Variants in P2RX7 observed in about 807,000 individuals in gnomAD.
The protein encoded by P2RX7 is purinergic receptor P2X 7, also known as P2X purinoceptor 7.
P2RX7 carries 62 observed loss-of-function variants against 71.6 expected under a neutral mutation model. That is an observed-to-expected ratio of 0.87 (90% confidence interval 0.71 to 1.07). The LOEUF is 1.07. P2RX7 is among the 50% of genes least tolerant of loss of function. The pLI, the probability that P2RX7 is intolerant of heterozygous loss-of-function variation, is 0.00. For missense variants in P2RX7, 686 were observed against 748.5 expected (o/e 0.92, Z 0.97); for synonymous variants, 299 against 283.3 (o/e 1.06, Z -0.56).
At chr12:121,136,393 G>A (rs995231387) in intron 1 of P2RX7, among the ~76,000 whole-genome samples, 9 of 151,464 alleles carry the variant, frequency 5.9e-5, no homozygotes, top group Admixed American at 2.0e-4. Context: ...ATCACAGCTC[G>A]CCACAGCCTC....
chr12:121,166,244 T>G (rs1454719841), intron 7 of P2RX7, 57 bp downstream of exon 7: 1 of 1,576,086 alleles, frequency 6.3e-7, no homozygotes, highest in Non-Finnish European at 8.6e-7. Flanking sequence ...ATGGAGGATG[T>G]CAAACAGCCA....
Position 121,165,457 on chromosome 12 carries a change from G to A in P2RX7, c.614+20G>A. On this transcript the variant is annotated intron_variant, in intron 6 of 12. Coordinates refer to ENST00000328963, the MANE Select transcript of P2RX7 (RefSeq NM_002562.6). ...CACCACGTAAGTGCCCAGGCTGCCT[G>A]GCTGTCTTAGTTATCTACTGCTGAG... 1 of 1,596,462 alleles carries A rather than the reference G, an allele frequency of 6.3e-7. No individual in the cohort carries two copies. Among genetic ancestry groups the A allele is most frequent in the South Asian group, 1.1e-5 (1 of 90,736 alleles).
In P2RX7 at chr12:121,166,143, A is replaced by G. The variant is rs1231377486; in HGVS notation, c.700A>G (p.Ile234Val). The change falls in exon 7 of 13, where the codon ATC (isoleucine) becomes GTC (valine). Residue 234 changes from isoleucine to valine, a missense_variant. Coordinates refer to ENST00000328963, the MANE Select transcript of P2RX7 (RefSeq NM_002562.6). The part of the protein sequence containing the change: ...PQCPIFRLGD[I>V]FRETGDNFSD... ...GTGTCCCATTTTCCGACTAGGAGAC[A>G]TCTTCCGAGAAACAGGCGATAATTT... The G allele has an allele frequency of 6.2e-7, 1 of 1,614,050 alleles. No individual in the cohort carries two copies. Among genetic ancestry groups the G allele is most frequent in the South Asian group, 1.1e-5 (1 of 91,086 alleles).
At chr12:121,148,350 A>G (rs1411274315) in intron 1 of P2RX7, among the ~76,000 whole-genome samples, 1 of 151,770 alleles carries the variant, frequency 6.6e-6, no homozygotes, top group Non-Finnish European at 1.5e-5. Flanking sequence ...AAGTAGCTGG[A>G]ATTATAGGCA....
At position 121,186,053 on chromosome 12, in the gene P2RX7, C is replaced by CA. The variant is rs3078950; in HGVS notation, c.*1265dup. On this transcript the variant is annotated 3_prime_UTR_variant, in exon 13 of 13. Coordinates refer to ENST00000328963, the MANE Select transcript of P2RX7 (RefSeq NM_002562.6). Reference sequence around the variant, plus strand: ...TGGGTGACAGAGCGAGACTCCATCTCAAAAAAAAAAAAAAGAAAAAAAAAA... The same window carrying CA: ...TGGGTGACAGAGCGAGACTCCATCTCAAAAAAAAAAAAAAAGAAAAAAAAAA... 7,184 of 86,384 alleles carry CA rather than the reference C, an allele frequency of 0.083. 222 individuals are homozygous for CA. Among genetic ancestry groups the CA allele is most frequent in the Non-Finnish European group, 0.098 (4,161 of 42,328 alleles). The allele number at this position is 86,384 out of a possible 1,614,324, so 5.4% of individuals were successfully genotyped here. A position where few individuals can be genotyped will look rare whatever the true frequency, so the allele number is the denominator to read the frequency against.
At chr12:121,168,616 A>C (rs1158074152) in intron 8 of P2RX7, among the ~76,000 whole-genome samples, 4 of 151,950 alleles carry the variant, frequency 2.6e-5, no homozygotes, top group Admixed American at 2.6e-4. Context: ...CCATCCCTAA[A>C]TCTCCCAACA....
In P2RX7 at chr12:121,132,898, G is replaced by C. The variant is rs1872717939; in HGVS notation, c.-73G>C. The stretch of plus-strand genomic sequence containing the variant: ...ACGTTTCATTTTGCAGTTACTGGGA[G>C]GGGGCTTGCTGTGGCCCTGTCAGGA... On this transcript the variant is annotated 5_prime_UTR_variant, in exon 1 of 13. Coordinates refer to ENST00000328963, the MANE Select transcript of P2RX7 (RefSeq NM_002562.6). 1 of 1,579,392 alleles carries C rather than the reference G, an allele frequency of 6.3e-7. No individual in the cohort carries two copies. Among genetic ancestry groups the C allele is most frequent in the Non-Finnish European group, 8.6e-7 (1 of 1,158,006 alleles).
Position 121,180,417 on chromosome 12 carries a change from G to A in P2RX7, c.1252G>A (p.Gly418Arg). The A allele has an allele frequency of 6.2e-7, 1 of 1,605,636 alleles. No individual in the cohort carries two copies. Among genetic ancestry groups the A allele is most frequent in the African/African-American group, 1.3e-5 (1 of 74,530 alleles). ...HIRMVNQQLL[G>R]RSLQDVKGQE... The stretch of plus-strand genomic sequence containing the variant: ...TAGGATGGTGAACCAGCAGCTACTA[G>A]GGAGAAGTCTGCAAGATGTCAAGGG... The change falls in exon 12 of 13, where the codon GGG becomes AGG. Residue 418 changes from glycine (G) to arginine (R), a missense_variant. By Grantham distance (125) the Gly-to-Arg change is moderately radical (BLOSUM62 -2). Transcript: ENST00000328963.
At chr12:121,139,505 C>T (rs1874378108) in intron 1 of P2RX7, among the ~76,000 whole-genome samples, 2 of 152,168 alleles carry the variant, frequency 1.3e-5, no homozygotes. Context: ...CATTCCTGGG[C>T]CCAGGCTGGC....
At chr12:121,176,751 C>CA (rs34853051) in intron 9 of P2RX7, among the ~76,000 whole-genome samples, 12,612 of 67,638 alleles carry the variant, frequency 0.19, 1,054 homozygotes, top group African/African-American at 0.3. Flanking sequence ...GACTCTGTCT[C>CA]AAAAAAAAAA....
intron 3 of P2RX7, among the ~76,000 whole-genome samples, chr12:121,159,746 A>T (rs577828807): frequency 6.6e-6 from 1 of 152,314 alleles, no homozygotes; most frequent in East Asian, 1.9e-4. Flanking sequence ...TTCAGCCCTG[A>T]GACCCAGCTG....
rs200110383 is a variant in P2RX7, at chr12:121,154,984, G to A, written c.294+31G>A. 1.5e-5 allele frequency: 24 copies of A among 1,611,586 alleles called. No individual in the cohort carries two copies. The Middle Eastern group carries it at 8.3e-4, about 55-fold the overall frequency. On this transcript the variant is annotated intron_variant, in intron 2 of 12. Coordinates refer to ENST00000328963, the MANE Select transcript of P2RX7 (RefSeq NM_002562.6). This position sits in a 1 kb window ranked among gnomAD's most constrained non-coding sequence, Gnocchi z 4.2. ...CACCTCGTAGCATTCTCCCAGGCTC[G>A]TCGCTGGTCACCGTCGCCAGGGCCT...
intron 5 of P2RX7, among the ~76,000 whole-genome samples, chr12:121,164,780 T>G (rs1424019717): frequency 6.6e-6 from 1 of 151,514 alleles, no homozygotes; most frequent in African/African-American, 2.4e-5. Flanking sequence ...AGACTCCATC[T>G]CAGAAAAAAA....
At chr12:121,159,742 C>A (rs1879271946) in intron 3 of P2RX7, among the ~76,000 whole-genome samples, 1 of 152,174 alleles carries the variant, frequency 6.6e-6, no homozygotes, top group Non-Finnish European at 1.5e-5. Flanking sequence ...GTCCTTCAGC[C>A]CTGAGACCCA....
rs181899059 is a variant in P2RX7 at position 121,173,466 on chromosome 12, G to A, written c.882-1922G>A. Among the ~76,000 whole-genome samples, 154 of 152,252 alleles carry A rather than the reference G, an allele frequency of 1.0e-3. 1 individual carries two copies. Among genetic ancestry groups the A allele is most frequent in the African/African-American group, 3.1e-3 (130 of 41,544 alleles). On this transcript the variant is annotated intron_variant, in intron 8 of 12. Transcript: ENST00000328963. ...CTCCCAAAGTGCTGGGATTACAGGC[G>A]TGAGCCATTGCACCTGGCCAAGAAG...
At chr12:121,171,714 A>G (rs1409259953) in intron 8 of P2RX7, among the ~76,000 whole-genome samples, 2 of 152,132 alleles carry the variant, frequency 1.3e-5, no homozygotes, top group Non-Finnish European at 2.9e-5. Context: ...GGCATAGCCC[A>G]CTGACTACCT....
chr12:121,162,578 G>C lies in P2RX7; in HGVS notation c.533+58G>C, dbSNP rs112924491. ...CTCAGCGGCGACCAGATGAGGCCTT[G>C]CCGAGGCTGCTTGGGCCTTCCCCTC... On this transcript the variant is annotated intron_variant, in intron 5 of 12. Coordinates refer to ENST00000328963, the MANE Select transcript of P2RX7 (RefSeq NM_002562.6). The C allele has an allele frequency of 3.7e-3, 5,950 of 1,589,404 alleles. 140 individuals are homozygous for C. In the African/African-American group the frequency reaches 0.055, roughly 15 times the overall value.
intron 2 of P2RX7, 152 bp downstream of exon 2, chr12:121,155,105 AT>A: frequency 5.4e-6 from 8 of 1,479,920 alleles, no homozygotes; most frequent in Middle Eastern, 1.9e-4. Flanking sequence ...AAACCTAAAA[AT>A]TGCAAAACTG....
chr12:121,167,666 C>T (rs201258518), intron 8 of P2RX7, 42 bp downstream of exon 8: 32 of 1,480,012 alleles, frequency 2.2e-5, no homozygotes, highest in African/African-American at 2.2e-4. Context: ...GTGGCTGAAT[C>T]GCATTCCCAG....
Sources: allele counts gnomAD v4.1 joint callset (sites outside exome capture counted in the v4.1 genomes callset), GRCh38; gene constraint gnomAD v4.1.1; non-coding constraint Gnocchi (gnomAD v3.1); transcripts MANE v1.5; gene names NCBI Gene and HGNC (gene_info 2026-07-23, HGNC 2026-07-21).